SUSD1: variants seen among roughly 807,000 people sequenced by gnomAD.
SUSD1 encodes the protein sushi domain-containing protein 1.
In SUSD1, 65 loss-of-function variants were observed where a neutral mutation model predicts 86.9. The ratio of observed to expected loss-of-function variants is 0.75; its 90% confidence interval spans 0.61 to 0.92. The LOEUF (loss-of-function observed/expected upper bound fraction) is 0.92. Ranked by LOEUF, SUSD1 falls within the 40% of genes least tolerant of loss-of-function variation. The pLI is 0.00. For missense variants in SUSD1, 850 were observed against 929.7 expected, an observed-to-expected ratio of 0.91 and a Z score of 1.11; for synonymous variants, 346 against 350.0, an observed-to-expected ratio of 0.99 and a Z score of 0.13.
At chr9:112,081,134 A>C (rs1465862540) in intron 10 of SUSD1, among the ~76,000 whole-genome samples, 1 of 152,232 alleles carries the variant, frequency 6.6e-6, no homozygotes, top group Non-Finnish European at 1.5e-5. Context: ...TCCTTCAATA[A>C]GGATCTCTGT....
intron 12 of SUSD1, among the ~76,000 whole-genome samples, chr9:112,068,715 AAATAT>A (rs1564263760): frequency 6.9e-6 from 1 of 145,938 alleles, no homozygotes; most frequent in Admixed American, 6.8e-5. Flanking sequence ...AAAAAAAAAA[AAATAT>A]TTTTAGCCGT....
Position 112,041,437 on chromosome 9 carries a change from G to A in SUSD1, c.*55C>T. On this transcript the variant is annotated 3_prime_UTR_variant, in exon 17 of 17. Transcript: ENST00000374270. Reference sequence around the variant, plus strand: ...CCTCTGTGCGGGCACCTGAGAAGCTGCCAGAACACCTGCCCAGCAGCAGTG... The same window carrying A: ...CCTCTGTGCGGGCACCTGAGAAGCTACCAGAACACCTGCCCAGCAGCAGTG... 2.6e-6 allele frequency: 2 copies of A among 780,834 alleles called. No individual in the cohort carries two copies. The highest frequency in any genetic ancestry group is 4.8e-6 in the Non-Finnish European group (2 of 418,088). The allele number at this position is 780,834 out of a possible 1,614,324, so 48.4% of individuals were successfully genotyped here.
intron 2 of SUSD1, among the ~76,000 whole-genome samples, chr9:112,152,460 G>C (rs558202043): frequency 6.6e-5 from 10 of 151,160 alleles, no homozygotes; most frequent in African/African-American, 2.4e-4. Flanking sequence ...GGAGTGCAGT[G>C]GTGTGATCAT....
chr9:112,164,360 C>A (rs926284401), intron 1 of SUSD1, among the ~76,000 whole-genome samples: 6 of 152,098 alleles, frequency 3.9e-5, no homozygotes, highest in African/African-American at 1.4e-4. Flanking sequence ...CACCACTTAA[C>A]CTTTCTGGAT....
At position 112,041,132 on chromosome 9, in the gene SUSD1, A is replaced by G. The variant is rs73530687; in HGVS notation, c.*360T>C. 1.2e-4 allele frequency: 50 copies of G among 411,422 alleles called. No individual in the cohort carries two copies. Among genetic ancestry groups the G allele is most frequent in the African/African-American group, 8.8e-4 (45 of 51,106 alleles). The allele number at this position is 411,422 out of a possible 1,614,324, so 25.5% of individuals were successfully genotyped here. ...AGGTTGCAGAGATTCTCTTGCAGTC[A>G]ATGTCTAGAGGAGCTGACCCTCAGG... On this transcript the variant is annotated 3_prime_UTR_variant, in exon 17 of 17. Transcript: ENST00000374270.
chr9:112,070,098 C>T (rs1020687497), intron 12 of SUSD1, among the ~76,000 whole-genome samples: 6 of 152,110 alleles, frequency 3.9e-5, no homozygotes, highest in Non-Finnish European at 7.4e-5. Context: ...CTCCGCCTCC[C>T]GGGCTCAAGC....
chr9:112,055,855 C>T (rs1397267980), intron 14 of SUSD1, among the ~76,000 whole-genome samples: 2 of 152,168 alleles, frequency 1.3e-5, no homozygotes, highest in East Asian at 3.9e-4. Flanking sequence ...ACACATGCCA[C>T]AACATGGGTG....
At chr9:112,117,923 T>C (rs1477707309) in intron 6 of SUSD1, among the ~76,000 whole-genome samples, 1 of 152,096 alleles carries the variant, frequency 6.6e-6, no homozygotes, top group East Asian at 1.9e-4. Flanking sequence ...TACAGTGAAG[T>C]GGGGGTGTTC....
chr9:112,078,362 G>A (rs6477879), intron 12 of SUSD1, among the ~76,000 whole-genome samples, 176 bp downstream of exon 12: 42,633 of 152,008 alleles, frequency 0.28, 6,751 homozygotes, highest in African/African-American at 0.43. Flanking sequence ...AAAAAAGAAT[G>A]AAACATAACA....
chr9:112,163,074 G>C (rs917580519), intron 1 of SUSD1, among the ~76,000 whole-genome samples: 3 of 152,060 alleles, frequency 2.0e-5, no homozygotes, highest in Non-Finnish European at 2.9e-5. Flanking sequence ...AAATTTTTTA[G>C]ATTTTTTTCT....
chr9:112,058,450 C>T lies in SUSD1; in HGVS notation c.2087G>A (p.Arg696Gln), dbSNP rs768334484. ...TACCTTATTCCATTCACTTGTGATT[C>T]GTAATATAATGCAGTAATCACTCCC... ...KRGSDYCIILRITSEWNKVRR... is the reference protein window; with the variant it reads ...KRGSDYCIILQITSEWNKVRR... Residue 696 changes from arginine to glutamine, a missense_variant, in exon 14 of 17, where the codon CGA (arginine) becomes CAA (glutamine). Physicochemically the swap from Arg to Gln is conservative, Grantham distance 43. Transcript: ENST00000374270. 8 of 1,613,848 alleles carry T rather than the reference C, an allele frequency of 5.0e-6. No individual in the cohort carries two copies. The highest frequency in any genetic ancestry group is 5.1e-6 in the Non-Finnish European group (6 of 1,179,944).
In SUSD1 at chr9:112,142,949, T is replaced by TATGA. The variant is rs149082833; in HGVS notation, c.527-454_527-451dup. On this transcript the variant is annotated intron_variant, in intron 4 of 16. Coordinates refer to ENST00000374270, the MANE Select transcript of SUSD1 (RefSeq NM_022486.5). Reference sequence around the variant, plus strand: ...ACTGCTAATAAAAATCCTTTAAGTTTATGAATTTTAGCTTTTTTTTTTTTT... The same window carrying TATGA: ...ACTGCTAATAAAAATCCTTTAAGTTTATGAATGAATTTTAGCTTTTTTTTTTTTT... 8.0e-3 allele frequency among the ~76,000 whole-genome samples: 1,181 copies of TATGA among 146,770 alleles called. 30 individuals are homozygous for TATGA. Among genetic ancestry groups the TATGA allele is most frequent in the African/African-American group, 0.028 (1,121 of 39,872 alleles).
chr9:112,059,288 G>A (rs16916623), intron 13 of SUSD1, among the ~76,000 whole-genome samples: 11,804 of 152,280 alleles, frequency 0.078, 759 homozygotes, highest in East Asian at 0.25. Context: ...ATCCTCTTTC[G>A]CTGGGAGAAG....
chr9:112,049,896 C>A (rs1828115548), intron 15 of SUSD1, among the ~76,000 whole-genome samples: 1 of 152,218 alleles, frequency 6.6e-6, no homozygotes, highest in Admixed American at 6.5e-5. Flanking sequence ...GAAACCAGAG[C>A]ACTGCCAAAG....
chr9:112,162,386 G>A (rs1833609524), intron 1 of SUSD1, among the ~76,000 whole-genome samples: 1 of 152,158 alleles, frequency 6.6e-6, no homozygotes, highest in African/African-American at 2.4e-5. Context: ...GTAGATAGCA[G>A]GTACATAGCT....
intron 5 of SUSD1, among the ~76,000 whole-genome samples, chr9:112,138,198 T>C (rs1401278910): frequency 7.4e-6 from 1 of 135,764 alleles, no homozygotes; most frequent in African/African-American, 2.8e-5. Context: ...CACTCCAGCC[T>C]GGGCAACACA....
intron 11 of SUSD1, 91 bp downstream of exon 11, chr9:112,079,983 G>T: frequency 1.1e-6 from 1 of 873,750 alleles, no homozygotes; most frequent in Non-Finnish European, 1.9e-6. Context: ...GATAATGATA[G>T]TTATAGATGT....
At position 112,111,634 on chromosome 9, in the gene SUSD1, G is replaced by C; in HGVS notation, c.1171+20C>G. On this transcript the variant is annotated intron_variant, in intron 8 of 16. Transcript: ENST00000374270. ...TGCTTAGCATTTTCTAGGAGGAAATGAGACTTCACCTCCACCTACCAGCTG... is the reference window on the plus strand; with the variant it reads ...TGCTTAGCATTTTCTAGGAGGAAATCAGACTTCACCTCCACCTACCAGCTG... 6 of 1,608,182 alleles carry C rather than the reference G, an allele frequency of 3.7e-6. No individual in the cohort carries two copies. The highest frequency in any genetic ancestry group is 5.1e-6 in the Non-Finnish European group (6 of 1,177,288).
In SUSD1 at chr9:112,165,990, A is replaced by G. The variant is rs181060775; in HGVS notation, c.104-8377T>C. ...GAAAGAAAGAAAGAAAGAAAGAAAG[A>G]AAGAAAATAATTTAGCATAAGTATA... is the stretch of plus-strand genomic sequence containing the variant. On this transcript the variant is annotated intron_variant, in intron 1 of 16. Coordinates refer to ENST00000374270, the MANE Select transcript of SUSD1 (RefSeq NM_022486.5). 2.9e-4 allele frequency among the ~76,000 whole-genome samples: 44 copies of G among 151,796 alleles called. No individual in the cohort carries two copies. The East Asian group carries it at 6.0e-3, about 21-fold the overall frequency.
Sources: allele counts gnomAD v4.1 joint callset (sites outside exome capture counted in the v4.1 genomes callset), GRCh38; gene constraint gnomAD v4.1.1; transcripts MANE v1.5; gene names NCBI Gene and HGNC (gene_info 2026-07-23, HGNC 2026-07-21).